The following THADA variants were observed in gnomAD, a reference collection of about 807,000 sequenced individuals.
The protein encoded by THADA is tRNA (32-2'-O)-methyltransferase regulator THADA.
THADA carries 213 observed loss-of-function variants against 219.8 expected under a neutral mutation model. That is an observed-to-expected ratio of 0.97 (90% CI 0.87 to 1.09). The LOEUF is 1.09. Ranked by LOEUF, THADA falls within the 50% of genes least tolerant of loss-of-function variation. The pLI is 0.00. For missense variants in THADA, 2,956 were observed against 2,311.3 expected, an observed-to-expected ratio of 1.28 and a Z score of -5.72; for synonymous variants, 1,018 against 828.9, an observed-to-expected ratio of 1.23 and a Z score of -3.92.
intron 31 of THADA, among the ~76,000 whole-genome samples, chr2:43,302,101 C>T (rs1676332091): frequency 6.6e-6 from 1 of 151,986 alleles, no homozygotes; most frequent in Admixed American, 6.6e-5. Context: ...CTCCTAGGCT[C>T]AAGTGATCCT....
chr2:43,378,917 C>G (rs78437552), intron 29 of THADA, among the ~76,000 whole-genome samples: 1 of 152,194 alleles, frequency 6.6e-6, no homozygotes, highest in East Asian at 1.9e-4. Context: ...ATAATATCTT[C>G]AAAGTGCTGA....
rs972529472 is a variant in THADA at position 43,552,265 on chromosome 2, C to T, written c.2749G>A (p.Ala917Thr). ...AENSLLQAAA[A>T]FPMYGRVHCI... ...TGGACTCGCCCATACATTGGAAATG[C>T]TGCTGCTGCCTGAAGCAGAGAATTT... The change falls in exon 18 of 38, where the codon GCA becomes ACA. Residue 917 changes from alanine (A) to threonine (T), a missense_variant. Transcript: ENST00000405975. The T allele has an allele frequency of 6.2e-7, 1 of 1,611,032 alleles. No individual in the cohort carries two copies.
chr2:43,316,054 G>A (rs1678043413), intron 31 of THADA, among the ~76,000 whole-genome samples: 1 of 152,130 alleles, frequency 6.6e-6, no homozygotes, highest in Non-Finnish European at 1.5e-5. Context: ...TGTCCCTAGT[G>A]CTCTGAAGGC....
chr2:43,500,697 CCAAACT>C (rs1228350302), intron 24 of THADA, among the ~76,000 whole-genome samples: 1 of 152,112 alleles, frequency 6.6e-6, no homozygotes, highest in African/African-American at 2.4e-5. Flanking sequence ...TCTTTCTATA[CCAAACT>C]TTACTACAGG....
chr2:43,234,419 C>G (rs1348501877), intron 36 of THADA, among the ~76,000 whole-genome samples: 3 of 152,102 alleles, frequency 2.0e-5, no homozygotes, highest in Non-Finnish European at 4.4e-5. Context: ...CTTTAGTGTC[C>G]CCGTTCCCCA....
In THADA at chr2:43,581,895, CTG is replaced by C; in HGVS notation, c.565_566del (p.Gln189ValfsTer4). 6.3e-7 allele frequency: 1 copy of C among 1,586,092 alleles called. No homozygotes were observed. On this transcript the variant is annotated frameshift_variant, in exon 8 of 38. Transcript: ENST00000405975. LOFTEE classifies it high-confidence loss of function. ...TGCCTACCAGTAAGTCATTCATCAACTGTGTTTGAATAATATGATTTCCAGCA... is the reference window on the plus strand; with the variant it reads ...TGCCTACCAGTAAGTCATTCATCAACTGTTTGAATAATATGATTTCCAGCA... ...KCAGNHIIQT[Q>X]LMNDLLVGIR...
chr2:43,408,159 A>T (rs1675815589), intron 28 of THADA: 1 of 152,266 alleles, frequency 6.6e-6, no homozygotes, highest in Admixed American at 6.5e-5. Flanking sequence ...ACCAAGTTGC[A>T]GCCATCAACC....
rs72881013 is a variant in THADA, at chr2:43,426,129, T to C, written c.4058+1971A>G. On this transcript the variant is annotated intron_variant, in intron 28 of 37. Coordinates refer to ENST00000405975, the MANE Select transcript of THADA (RefSeq NM_022065.5). ...CCTAAGTACACTGGCTTCAAAGCAA[T>C]ATTTAAATTTTCTATATTAATGCAA... Among the ~76,000 whole-genome samples the C allele has an allele frequency of 8.7e-3, 1,322 of 152,310 alleles. 18 individuals are homozygous for C. Among genetic ancestry groups the C allele is most frequent in the African/African-American group, 0.03 (1,262 of 41,560 alleles).
chr2:43,591,020 T>C (rs1701503340), intron 3 of THADA, 66 bp from the exon 4 acceptor site: 1 of 1,492,310 alleles, frequency 6.7e-7, no homozygotes. Context: ...TGGTTACAGA[T>C]ACTCTTTGAA....
In THADA at chr2:43,286,966, G is replaced by A. The variant is rs769445064; in HGVS notation, c.5106C>T (p.Val1702=). 8.1e-6 allele frequency: 13 copies of A among 1,613,988 alleles called. No homozygotes were observed. Among genetic ancestry groups the A allele is most frequent in the African/African-American group, 1.3e-5 (1 of 75,062 alleles). ...GTGTAGTACTGGTGAGGACTTCAAC[G>A]ACGGCCAGCCTAGACTCTGTAGGAA... is the stretch of plus-strand genomic sequence containing the variant. ...DHLPTESRLA[V]VEVLTSTTPL... The change falls in exon 35 of 38, where the codon GTC becomes GTT. Residue 1702 remains valine (V), a synonymous_variant. Transcript: ENST00000405975.
At chr2:43,542,081 T>A (rs888250161) in intron 20 of THADA, among the ~76,000 whole-genome samples, 5 of 152,224 alleles carry the variant, frequency 3.3e-5, no homozygotes, top group Non-Finnish European at 2.9e-5. Flanking sequence ...CCTTACTTAC[T>A]CTCTTATTCT....
At chr2:43,301,709 C>A (rs1676284181) in intron 31 of THADA, among the ~76,000 whole-genome samples, 1 of 152,202 alleles carries the variant, frequency 6.6e-6, no homozygotes, top group Admixed American at 6.5e-5. Flanking sequence ...ATACTCATGT[C>A]AGGGGACACT....
At chr2:43,460,738 G>A (rs1683540605) in intron 26 of THADA, among the ~76,000 whole-genome samples, 1 of 152,190 alleles carries the variant, frequency 6.6e-6, no homozygotes, top group African/African-American at 2.4e-5. Flanking sequence ...ATGAAGGGTT[G>A]GCGTGGTAAG....
At chr2:43,251,901 A>G (rs1669840197) in intron 36 of THADA, among the ~76,000 whole-genome samples, 2 of 152,166 alleles carry the variant, frequency 1.3e-5, no homozygotes, top group South Asian at 4.3e-4. Flanking sequence ...CAAATTCTCC[A>G]TATGTGTCAT....
At chr2:43,543,450 A>G (rs965702527) in intron 20 of THADA, among the ~76,000 whole-genome samples, 1 of 151,304 alleles carries the variant, frequency 6.6e-6, no homozygotes, top group Non-Finnish European at 1.5e-5. Flanking sequence ...GAATCGCCAC[A>G]CTGACTTCCA....
At chr2:43,232,227 G>A (rs891124996) in intron 37 of THADA, among the ~76,000 whole-genome samples, 5 of 150,736 alleles carry the variant, frequency 3.3e-5, no homozygotes, top group African/African-American at 1.2e-4. Context: ...TGCCCAGGCT[G>A]GAGTGCAGTG....
At chr2:43,327,524 G>C (rs1219512902) in intron 30 of THADA, among the ~76,000 whole-genome samples, 1 of 152,058 alleles carries the variant, frequency 6.6e-6, no homozygotes, top group East Asian at 1.9e-4. Context: ...GTTGAAAAAG[G>C]GGAAATTAGT....
At chr2:43,518,198 T>A (rs1691969885) in intron 22 of THADA, among the ~76,000 whole-genome samples, 1 of 152,184 alleles carries the variant, frequency 6.6e-6, no homozygotes, top group Non-Finnish European at 1.5e-5. Flanking sequence ...AATAAATATT[T>A]GTTGAATAAA....
intron 27 of THADA, among the ~76,000 whole-genome samples, chr2:43,428,864 TCAA>T (rs975697507): frequency 2.0e-5 from 3 of 152,170 alleles, no homozygotes; most frequent in Non-Finnish European, 4.4e-5. Context: ...TGTGAAACTT[TCAA>T]CATCCAAATG....
Sources: gnomAD v4.1 joint callset for allele counts (sites outside exome capture counted in the v4.1 genomes callset) on GRCh38, gnomAD v4.1.1 for gene constraint, MANE v1.5 for transcripts, NCBI Gene and HGNC (gene_info 2026-07-23, HGNC 2026-07-21) for gene names.